The following STARD13 variants were observed in gnomAD, a reference collection of about 807,000 sequenced individuals.
The protein encoded by STARD13 is stAR-related lipid transfer protein 13.
In STARD13, 62 loss-of-function variants were observed where a neutral mutation model predicts 106.4. That is an observed-to-expected ratio of 0.58 (90% CI 0.48 to 0.72). The LOEUF (loss-of-function observed/expected upper bound fraction) is 0.72, where lower values mean the gene tolerates loss of function less well. STARD13 is among the 30% of genes least tolerant of loss of function. The pLI, the probability that STARD13 is intolerant of heterozygous loss-of-function variation, is 0.00. For missense variants in STARD13, 1,387 were observed against 1,424.0 expected, an observed-to-expected ratio of 0.97 and a Z score of 0.42; for synonymous variants, 565 against 553.0, an observed-to-expected ratio of 1.02 and a Z score of -0.31.
the STARD13 span, among the ~76,000 whole-genome samples, chr13:33,536,043 A>G: frequency 2.0e-5 from 3 of 152,208 alleles, no homozygotes; most frequent in Admixed American, 2.0e-4. Flanking sequence ...GAGCTGGGTT[A>G]TGGGAAAGCT....
At position 33,111,817 on chromosome 13, in the gene STARD13, C is replaced by G; in HGVS notation, c.2568G>C (p.Gly856=). Residue 856 remains glycine, a synonymous_variant, in exon 10 of 14, where the codon GGG becomes GGC. Transcript: ENST00000336934. Reference sequence around the variant, plus strand: ...CGCATTCCATGATCATGTGCGCTAGCCCCTGAGCTGCTGCCAGATTCTCGT... The same window carrying G: ...CGCATTCCATGATCATGTGCGCTAGGCCCTGAGCTGCTGCCAGATTCTCGT... ...DLNENLAAAQ[G]LAHMIMECDR... is the part of the protein sequence containing the mutation. The G allele has an allele frequency of 1.9e-6, 3 of 1,614,148 alleles. No homozygotes were observed. Among genetic ancestry groups the G allele is most frequent in the Non-Finnish European group, 2.5e-6 (3 of 1,179,998 alleles).
At chr13:33,194,698 G>T (rs1021471894) in intron 1 of STARD13, among the ~76,000 whole-genome samples, 2 of 152,132 alleles carry the variant, frequency 1.3e-5, no homozygotes, top group African/African-American at 4.8e-5. Context: ...AGAATTGGGA[G>T]GAAAAGAAAA....
At chr13:33,428,792 T>C in the STARD13 span, among the ~76,000 whole-genome samples, 3 of 152,180 alleles carry the variant, frequency 2.0e-5, no homozygotes, top group Admixed American at 2.0e-4. Context: ...ATACAATTAT[T>C]AGGAGCTTTT....
the STARD13 span, among the ~76,000 whole-genome samples, chr13:33,665,121 A>T: frequency 0.023 from 3,454 of 152,312 alleles, 63 homozygotes; most frequent in African/African-American, 0.043. Context: ...GCATCCAACA[A>T]CAGAATCCAG....
At chr13:33,127,675 G>A in intron 5 of STARD13, 129 bp from the exon 6 acceptor site, 1 of 855,876 alleles carries the variant, frequency 1.2e-6, no homozygotes, top group South Asian at 2.0e-5. Flanking sequence ...AAAGCAAATG[G>A]AACAGAAGAC....
chr13:33,542,292 G>A, the STARD13 span, among the ~76,000 whole-genome samples: 348 of 152,256 alleles, frequency 2.3e-3, 2 homozygotes, highest in Non-Finnish European at 2.6e-3. Context: ...TTAGCACTGA[G>A]ACCGCACCCA....
rs1000973621 is a variant in STARD13 at position 33,300,098 on chromosome 13, G to T, written c.124+50192C>A. 2.6e-5 allele frequency among the ~76,000 whole-genome samples: 4 copies of T among 152,202 alleles called. No homozygotes were observed. In the South Asian group the frequency reaches 8.3e-4, roughly 32 times the overall value. ...TCGAGTTAACTTTTAACCAAAGTCA[G>T]GCTCTGTTATTTATTTATTAACTAC... On this transcript the variant is annotated intron_variant, in intron 1 of 5. Coordinates refer to the STARD13 transcript ENST00000567873.
chr13:33,507,888 C>T, the STARD13 span, among the ~76,000 whole-genome samples: 2 of 151,992 alleles, frequency 1.3e-5, no homozygotes, highest in Non-Finnish European at 2.9e-5. Flanking sequence ...TCCTCATCAT[C>T]TTCTTGTTGA....
intron 1 of STARD13, among the ~76,000 whole-genome samples, chr13:33,176,823 C>A (rs1884566721): frequency 6.6e-6 from 1 of 151,974 alleles, no homozygotes; most frequent in Admixed American, 6.6e-5. Context: ...ATAAACATGC[C>A]ACAAATGTAA....
the STARD13 span, among the ~76,000 whole-genome samples, chr13:33,506,510 T>C: frequency 6.6e-6 from 1 of 152,186 alleles, no homozygotes; most frequent in Non-Finnish European, 1.5e-5. Context: ...ACTTAGAGAC[T>C]TTTCTGAAAA....
the STARD13 span, among the ~76,000 whole-genome samples, chr13:33,583,886 A>T: frequency 1.3e-5 from 2 of 148,998 alleles, no homozygotes; most frequent in Non-Finnish European, 3.0e-5. Context: ...GTAGGCATTT[A>T]TTTCCATCTT....
chr13:33,296,785 A>G (rs1286704884), intron 1 of STARD13, among the ~76,000 whole-genome samples: 2 of 152,022 alleles, frequency 1.3e-5, no homozygotes, highest in East Asian at 1.9e-4. Flanking sequence ...CGCCCAGCTA[A>G]TTTTTGTATT....
chr13:33,651,098 A>G, the STARD13 span, among the ~76,000 whole-genome samples: 144 of 152,368 alleles, frequency 9.5e-4, no homozygotes, highest in African/African-American at 3.3e-3. Flanking sequence ...GTCCACAAAC[A>G]TTGGCTTTTA....
chr13:33,673,586 A>G, the STARD13 span, among the ~76,000 whole-genome samples: 1,870 of 140,088 alleles, frequency 0.013, 39 homozygotes, highest in African/African-American at 0.05. Flanking sequence ...CTCTGTCACC[A>G]TGCTGGAGTG....
the STARD13 span, chr13:33,524,265 C>G: frequency 7.8e-7 from 1 of 1,277,232 alleles, no homozygotes; most frequent in Non-Finnish European, 1.0e-6. Context: ...TTCCAGTTGA[C>G]ATTTGGCTTG....
chr13:33,348,061 T>C (rs2138617084), downstream of STARD13, among the ~76,000 whole-genome samples: 1 of 152,326 alleles, frequency 6.6e-6, no homozygotes, highest in East Asian at 1.9e-4. Flanking sequence ...GAAGGAGAAG[T>C]TGAAGTCGGC....
At chr13:33,387,286 G>A in the STARD13 span, among the ~76,000 whole-genome samples, 1 of 152,116 alleles carries the variant, frequency 6.6e-6, no homozygotes, top group Non-Finnish European at 1.5e-5. Flanking sequence ...TTACAGAAGT[G>A]CGCCACTGAG....
the STARD13 span, among the ~76,000 whole-genome samples, chr13:33,548,179 A>G: frequency 2.0e-5 from 3 of 152,232 alleles, no homozygotes; most frequent in African/African-American, 7.2e-5. Flanking sequence ...AATGCTAGGC[A>G]GTGATATACC....
At chr13:33,119,352 C>T (rs1216788838) in intron 7 of STARD13, among the ~76,000 whole-genome samples, 2 of 152,184 alleles carry the variant, frequency 1.3e-5, no homozygotes, top group African/African-American at 4.8e-5. Flanking sequence ...AAGGTAGAAC[C>T]TTCCTGAGTG....
Sources: gnomAD v4.1 joint callset for allele counts (sites outside exome capture counted in the v4.1 genomes callset) on GRCh38, gnomAD v4.1.1 for gene constraint, MANE v1.5 for transcripts, NCBI Gene and HGNC (gene_info 2026-07-23, HGNC 2026-07-21) for gene names.